KCNN1: variants seen among roughly 807,000 people sequenced by gnomAD.
The protein encoded by KCNN1 is small conductance calcium-activated potassium channel protein 1.
KCNN1 carries 20 observed loss-of-function variants against 44.7 expected under a neutral mutation model. That is an observed-to-expected ratio of 0.45 (90% confidence interval 0.32 to 0.65). The LOEUF (loss-of-function observed/expected upper bound fraction) is 0.65, where lower values mean the gene tolerates loss of function less well. Among genes scored for constraint, KCNN1 ranks in the 30% least tolerant of loss-of-function variants. KCNN1 has a pLI of 0.05. For synonymous variants in KCNN1, 324 were observed against 341.7 expected (o/e 0.95, Z 0.57); for missense variants, 632 against 785.3 (o/e 0.80, Z 2.33).
intron 3 of KCNN1, among the ~76,000 whole-genome samples, chr19:17,981,202 G>A (rs1276419327): frequency 3.3e-5 from 5 of 151,614 alleles, no homozygotes; most frequent in South Asian, 2.1e-4. Flanking sequence ...CCAGGATTGC[G>A]CCACTGCACT....
intron 1 of KCNN1, among the ~76,000 whole-genome samples, chr19:17,969,341 T>C (rs757362290): frequency 9.2e-5 from 14 of 152,322 alleles, no homozygotes; most frequent in Admixed American, 6.5e-5. Flanking sequence ...GGTGCTGAGC[T>C]TCTCTGAGCT....
At chr19:17,986,817 T>C (rs912651935) in intron 5 of KCNN1, among the ~76,000 whole-genome samples, 1 of 151,968 alleles carries the variant, frequency 6.6e-6, no homozygotes. Flanking sequence ...TTTGTTTTTT[T>C]CCTCATTGAG....
At chr19:17,989,450 AAAAC>A (rs58466722) in intron 6 of KCNN1, among the ~76,000 whole-genome samples, 2,878 of 152,168 alleles carry the variant, frequency 0.019, 59 homozygotes, top group African/African-American at 0.057. Flanking sequence ...AGAGCCTCAA[AAAAC>A]AAACAAACAA....
chr19:17,952,679 C>T (rs2031442930), intron 1 of KCNN1, among the ~76,000 whole-genome samples: 1 of 152,126 alleles, frequency 6.6e-6, no homozygotes, highest in African/African-American at 2.4e-5. Flanking sequence ...TTCCCGTTGC[C>T]CCCTCCTCCC....
In KCNN1 at chr19:17,974,019, T is replaced by G. The variant is rs776408352; in HGVS notation, c.131T>G (p.Val44Gly). 1 of 1,602,830 alleles carries G rather than the reference T, an allele frequency of 6.2e-7. No homozygotes were observed. The highest frequency in any genetic ancestry group is 8.5e-7 in the Non-Finnish European group (1 of 1,175,956). ...CCCCCGCACAGCCCGGGCCTCCAGG[T>G]GGTAGTGGCCAAGAGTGAGCCAGCC... ...PQPPHSPGLQ[V>G]VVAKSEPARP... The change falls in exon 2 of 10, where the codon GTG (valine) becomes GGG (glycine). Residue 44 changes from valine (V) to glycine (G), a missense_variant. Val to Gly is a moderately radical substitution (Grantham distance 109). This residue lies in a region of KCNN1 where 235 missense variants were observed against 224.0 expected (regional missense o/e 1.05). Coordinates refer to ENST00000684775, the MANE Select transcript of KCNN1 (RefSeq NM_001386974.1). This position sits in a 1 kb window ranked among gnomAD's most constrained non-coding sequence, Gnocchi z 7.3.
chr19:17,966,034 TTCCTTCCTTCCTTCCTTC>T (rs2031798831), upstream of KCNN1, among the ~76,000 whole-genome samples: 1 of 53,972 alleles, frequency 1.9e-5, no homozygotes, highest in Non-Finnish European at 4.0e-5. Context: ...CCTTCCTTCC[TTCCTTCCTTCCTTCCTTC>T]CTTCCTTCCT....
At chr19:17,959,079 G>A (rs1017910745) in intron 2 of KCNN1, among the ~76,000 whole-genome samples, 3 of 151,030 alleles carry the variant, frequency 2.0e-5, no homozygotes, top group Non-Finnish European at 4.4e-5. Flanking sequence ...GTGCAATGAC[G>A]TGATCTCGGC....
At chr19:17,953,598 G>A (rs1599986257) in intron 1 of KCNN1, among the ~76,000 whole-genome samples, 1 of 152,192 alleles carries the variant, frequency 6.6e-6, no homozygotes, top group East Asian at 1.9e-4. Context: ...GAGGGAGCAC[G>A]CCAAGGGAGC....
rs748137010 is a variant in KCNN1, at chr19:17,998,267, C to T, written c.1493C>T (p.Ala498Val). The part of the protein sequence containing the change: ...RLDALGASLQ[A>V]LPGLIAQAIR... ...GATGCGCTGGGTGCCTCTCTACAGG[C>T]CCTGCCTGGCCTCATCGCCCAAGCC... is the stretch of plus-strand genomic sequence containing the variant. The change falls in exon 10 of 10, where the codon GCC (alanine) becomes GTC (valine). Residue 498 changes from alanine to valine, a missense_variant. Coordinates refer to ENST00000684775, the MANE Select transcript of KCNN1 (RefSeq NM_001386974.1). The surrounding 1 kb of genome is among the most constrained non-coding windows in gnomAD (Gnocchi z 5.4). 6.4e-7 allele frequency: 1 copy of T among 1,559,464 alleles called. No individual in the cohort carries two copies. Among genetic ancestry groups the T allele is most frequent in the Middle Eastern group, 1.8e-4 (1 of 5,644 alleles).
intron 5 of KCNN1, among the ~76,000 whole-genome samples, chr19:17,987,140 C>A (rs564436348): frequency 8.0e-5 from 12 of 150,194 alleles, no homozygotes; most frequent in Admixed American, 2.7e-4. Context: ...GATAGAGTCT[C>A]GCTCTGTCGC....
chr19:17,965,216 A>G (rs1012614646), upstream of KCNN1, among the ~76,000 whole-genome samples: 7 of 151,620 alleles, frequency 4.6e-5, no homozygotes, highest in African/African-American at 1.7e-4. Flanking sequence ...AGAGGTTGCA[A>G]TGAGTGGAGA....
At chr19:17,982,559 G>A (rs746738214) in intron 4 of KCNN1, 2 of 985,394 alleles carry the variant, frequency 2.0e-6, no homozygotes, top group Non-Finnish European at 2.4e-6. Flanking sequence ...CCGCTCCACT[G>A]GACTTTAGGG....
In KCNN1 at chr19:17,973,792, C is replaced by T. The variant is rs1459480027; in HGVS notation, c.-81-16C>T. On this transcript the variant is annotated splice_polypyrimidine_tract_variant and intron_variant, in intron 1 of 9. Coordinates refer to ENST00000684775, the MANE Select transcript of KCNN1 (RefSeq NM_001386974.1). ...GCTGGACCCTGCTGTGACCATGTCC[C>T]TCTGTGCCCTTGCAGGTCAGTGCAG... 2.7e-6 allele frequency: 4 copies of T among 1,497,038 alleles called. No individual in the cohort carries two copies. Among genetic ancestry groups the T allele is most frequent in the African/African-American group, 2.8e-5 (2 of 71,308 alleles). The allele number at this position is 1,497,038 out of a possible 1,614,324, so 92.7% of individuals were successfully genotyped here.
At chr19:17,973,115 GT>G (rs1356145426) in intron 1 of KCNN1, among the ~76,000 whole-genome samples, 1 of 152,138 alleles carries the variant, frequency 6.6e-6, no homozygotes, top group Non-Finnish European at 1.5e-5. Flanking sequence ...ATAGTGAAGA[GT>G]TTGGTGTTTT....
intron 3 of KCNN1, among the ~76,000 whole-genome samples, chr19:17,977,347 C>CTT (rs34570772): frequency 1.0e-4 from 15 of 146,746 alleles, no homozygotes; most frequent in South Asian, 2.2e-4. Context: ...GATGATTCCA[C>CTT]TTTTTTTTTT....
At position 17,974,691 on chromosome 19, in the gene KCNN1, A is replaced by G. The variant is rs896583994; in HGVS notation, c.402+401A>G. On this transcript the variant is annotated intron_variant, in intron 2 of 9. Transcript: ENST00000684775. This position sits in a 1 kb window ranked among gnomAD's most constrained non-coding sequence, Gnocchi z 7.3. ...TGCCACCTAGAATGTGTGAGGATGGAGAGAGATCAGGGCTGTGTCAGCCTG... is the reference window on the plus strand; with the variant it reads ...TGCCACCTAGAATGTGTGAGGATGGGGAGAGATCAGGGCTGTGTCAGCCTG... Among the ~76,000 whole-genome samples the G allele has an allele frequency of 2.6e-5, 4 of 152,146 alleles. No individual in the cohort carries two copies. The highest frequency in any genetic ancestry group is 5.9e-5 in the Non-Finnish European group (4 of 68,000).
intron 1 of KCNN1, among the ~76,000 whole-genome samples, chr19:17,951,821 C>T (rs1247366671): frequency 1.3e-5 from 2 of 152,184 alleles, no homozygotes; most frequent in Non-Finnish European, 2.9e-5. Context: ...CTTCCTCTCT[C>T]CCTGACTCTC....
chr19:17,994,520 T>A (rs1469391139), intron 9 of KCNN1, among the ~76,000 whole-genome samples: 1 of 151,794 alleles, frequency 6.6e-6, no homozygotes, highest in Non-Finnish European at 1.5e-5. Flanking sequence ...GAATATCAAG[T>A]CATCTCCCAC....
chr19:17,984,463 C>A (rs2032526530), intron 4 of KCNN1, among the ~76,000 whole-genome samples: 1 of 152,158 alleles, frequency 6.6e-6, no homozygotes, highest in Non-Finnish European at 1.5e-5. Context: ...TGGCTTGGGG[C>A]TCAGGTGATC....
Sources: gnomAD v4.1 joint callset for allele counts (sites outside exome capture counted in the v4.1 genomes callset) on GRCh38, gnomAD v4.1.1 for gene constraint, gnomAD v4.1.1 regional missense constraint, Gnocchi (gnomAD v3.1) non-coding constraint, MANE v1.5 for transcripts, NCBI Gene and HGNC (gene_info 2026-07-23, HGNC 2026-07-21) for gene names.